Variants in SH3PXD2A observed in about 807,000 individuals in gnomAD.
The protein encoded by SH3PXD2A is SH3 and PX domains 2A.
Under a neutral mutation model 115.2 loss-of-function variants are expected in SH3PXD2A, and 32 were observed. That is an observed-to-expected ratio of 0.28 (90% confidence interval 0.21 to 0.37). The LOEUF is 0.37. Among genes scored for constraint, SH3PXD2A ranks in the 10% least tolerant of loss-of-function variants. The pLI, the probability that SH3PXD2A is intolerant of heterozygous loss-of-function variation, is 1.00. For synonymous variants in SH3PXD2A, 610 were observed against 629.1 expected (o/e 0.97, Z 0.45); for missense variants, 1,328 against 1,498.7 (o/e 0.89, Z 1.88).
intron 3 of SH3PXD2A, among the ~76,000 whole-genome samples, chr10:103,764,392 G>A (rs2038732444): frequency 6.6e-6 from 1 of 152,106 alleles, no homozygotes; most frequent in South Asian, 2.1e-4. Context: ...CTGAAGAGGA[G>A]TCTAAGAGGG....
intron 5 of SH3PXD2A, among the ~76,000 whole-genome samples, chr10:103,720,901 C>CGGGG (rs1316100484): frequency 6.6e-6 from 1 of 152,190 alleles, no homozygotes; most frequent in Non-Finnish European, 1.5e-5. Flanking sequence ...GGGCCGGGCC[C>CGGGG]GGGGAGGGGG....
chr10:103,705,319 G>C (rs1262287822), intron 5 of SH3PXD2A, among the ~76,000 whole-genome samples: 2 of 152,366 alleles, frequency 1.3e-5, no homozygotes, highest in East Asian at 3.9e-4. Flanking sequence ...GCCAGGCCTT[G>C]GTGGGAGTCA....
chr10:103,668,527 C>T, intron 7 of SH3PXD2A, 81 bp downstream of exon 7: 1 of 1,225,890 alleles, frequency 8.2e-7, no homozygotes, highest in Non-Finnish European at 1.2e-6. Context: ...GAAGCATGCG[C>T]AGGGCCTGCA....
At chr10:103,653,281 C>T (rs976121513) in intron 8 of SH3PXD2A, among the ~76,000 whole-genome samples, 3 of 152,334 alleles carry the variant, frequency 2.0e-5, no homozygotes, top group Non-Finnish European at 4.4e-5. Flanking sequence ...ATCGGAAGAC[C>T]AGCTTCACAG....
chr10:103,606,647 G>A (rs1460693988), intron 13 of SH3PXD2A, among the ~76,000 whole-genome samples: 4 of 152,034 alleles, frequency 2.6e-5, no homozygotes, highest in South Asian at 2.1e-4. Flanking sequence ...GGCGCGCGCC[G>A]CCATGCCTGA....
Position 103,612,894 on chromosome 10 carries a change from G to C in SH3PXD2A, c.1217C>G (p.Ser406Cys). ...DRTVSRLAQG[S>C]PAVARIAPQR... is the part of the protein sequence containing the mutation. ...AGGGGCAATCCTGGCCACAGCTGGA[G>C]AGCCCTGGGCCAGCCTGGAGACAGT... Residue 406 changes from serine (S) to cysteine (C), a missense_variant, in exon 12 of 15, where the codon TCT becomes TGT. By Grantham distance (112) the Ser-to-Cys change is moderately radical (BLOSUM62 -1). Coordinates refer to ENST00000369774, the MANE Select transcript of SH3PXD2A (RefSeq NM_001394015.1). 1 of 1,597,668 alleles carries C rather than the reference G, an allele frequency of 6.3e-7. No individual in the cohort carries two copies. The highest frequency in any genetic ancestry group is 8.5e-7 in the Non-Finnish European group (1 of 1,172,940).
At chr10:103,799,142 C>CA (rs1376354306) in intron 2 of SH3PXD2A, among the ~76,000 whole-genome samples, 11 of 152,214 alleles carry the variant, frequency 7.2e-5, no homozygotes, top group African/African-American at 1.9e-4. Context: ...AATGTGCCCC[C>CA]AGTGCCTAAA....
At chr10:103,696,773 A>C (rs2037830014) in intron 5 of SH3PXD2A, among the ~76,000 whole-genome samples, 3 of 152,090 alleles carry the variant, frequency 2.0e-5, no homozygotes. Flanking sequence ...CTCCCATCAG[A>C]CCACTCAGCC....
chr10:103,603,100 G>GGAGGAA lies in SH3PXD2A; in HGVS notation c.2112_2117dup (p.Ser709_Ser710dup). 1 of 1,613,104 alleles carries GGAGGAA rather than the reference G, an allele frequency of 6.2e-7. No homozygotes were observed. Among genetic ancestry groups the GGAGGAA allele is most frequent in the African/African-American group, 1.3e-5 (1 of 75,068 alleles). On this transcript the variant is annotated inframe_insertion, in exon 15 of 15. Coordinates refer to ENST00000369774, the MANE Select transcript of SH3PXD2A (RefSeq NM_001394015.1). Reference sequence around the variant, plus strand: ...TGGTTTTGGACAAGGAAGAGGAGGAGGAGGAAGAGGAGGAGCAGCAAGTGG... The same window carrying GGAGGAA: ...TGGTTTTGGACAAGGAAGAGGAGGAGGAGGAAGAGGAAGAGGAGGAGCAGCAAGTGG...
intron 2 of SH3PXD2A, 87 bp downstream of exon 2, chr10:103,801,194 CT>C: frequency 1.3e-6 from 1 of 797,128 alleles, no homozygotes; most frequent in East Asian, 2.5e-5. Context: ...TGACAGCTCT[CT>C]TGGGGGCTCC....
chr10:103,594,174 G>A lies in SH3PXD2A; in HGVS notation c.*7642C>T, dbSNP rs1319146136. 1.3e-5 allele frequency: 2 copies of A among 152,626 alleles called. No individual in the cohort carries two copies. The highest frequency in any genetic ancestry group is 2.9e-5 in the Non-Finnish European group (2 of 68,058). 9.5% of individuals were successfully genotyped at this position (152,626 alleles called of 1,614,324 possible). A position where few individuals can be genotyped will look rare whatever the true frequency, so the allele number is the denominator to read the frequency against. The stretch of plus-strand genomic sequence containing the variant: ...CTGCAGACCAAAGAGTCCCGTCAAA[G>A]TGATAAAGGACACCTGGAAAGTGGC... On this transcript the variant is annotated 3_prime_UTR_variant, in exon 15 of 15. Coordinates refer to ENST00000369774, the MANE Select transcript of SH3PXD2A (RefSeq NM_001394015.1).
intron 1 of SH3PXD2A, among the ~76,000 whole-genome samples, chr10:103,846,010 G>C (rs897325775): frequency 6.6e-6 from 1 of 152,222 alleles, no homozygotes; most frequent in African/African-American, 2.4e-5. Flanking sequence ...AGGTAAGAGT[G>C]ATCAGTTTCC....
At chr10:103,848,163 T>G (rs1290134051) in intron 1 of SH3PXD2A, among the ~76,000 whole-genome samples, 1 of 151,702 alleles carries the variant, frequency 6.6e-6, no homozygotes, top group Non-Finnish European at 1.5e-5. Context: ...CCTCCCAAGC[T>G]AGTTAAGACC....
chr10:103,603,032 C>T lies in SH3PXD2A; in HGVS notation c.2186G>A (p.Arg729His), dbSNP rs756197834. ...KPRSASDAGIRGTPKVRAKKD... is the reference protein window; with the variant it reads ...KPRSASDAGIHGTPKVRAKKD... ...CTTTGCCCTGACCTTGGGAGTGCCG[C>T]GGATGCCTGCGTCCGAAGCAGAGCG... The change falls in exon 15 of 15, where the codon CGC becomes CAC. Residue 729 changes from arginine to histidine, a missense_variant. Arg to His is a conservative substitution (Grantham distance 29). Coordinates refer to ENST00000369774, the MANE Select transcript of SH3PXD2A (RefSeq NM_001394015.1). 2.5e-5 allele frequency: 40 copies of T among 1,613,924 alleles called. No individual in the cohort carries two copies. Among genetic ancestry groups the T allele is most frequent in the Admixed American group, 2.3e-4 (14 of 60,002 alleles).
intron 1 of SH3PXD2A, among the ~76,000 whole-genome samples, chr10:103,839,177 C>T (rs2039573628): frequency 6.6e-6 from 1 of 152,154 alleles, no homozygotes; most frequent in Non-Finnish European, 1.5e-5. Flanking sequence ...GAAATCCCAA[C>T]TCTCTTTTTT....
intron 8 of SH3PXD2A, among the ~76,000 whole-genome samples, chr10:103,652,381 C>G (rs567510697): frequency 2.5e-4 from 38 of 152,288 alleles, no homozygotes; most frequent in Non-Finnish European, 5.1e-4. Context: ...ACAGCTACAC[C>G]CCCACAATGA....
intron 8 of SH3PXD2A, among the ~76,000 whole-genome samples, chr10:103,636,311 A>G (rs888224194): frequency 1.3e-5 from 2 of 151,672 alleles, no homozygotes; most frequent in Non-Finnish European, 1.5e-5. Flanking sequence ...CAGGAGGCTG[A>G]GGCAGGAGAA....
chr10:103,602,424 G>A lies in SH3PXD2A; in HGVS notation c.2794C>T (p.Arg932Cys), dbSNP rs866797689. The A allele has an allele frequency of 8.1e-6, 13 of 1,614,134 alleles. No individual in the cohort carries two copies. Among genetic ancestry groups the A allele is most frequent in the African/African-American group, 1.3e-5 (1 of 75,050 alleles). ...TTGACGGTGTTCAGTGCTTGGACGC[G>A]CCTCTCGATCTTCTCCAGGCTGTCT... is the stretch of plus-strand genomic sequence containing the variant. Reference protein sequence around the residue: ...KSDSLEKIERRVQALNTVNQS... With the variant: ...KSDSLEKIERCVQALNTVNQS... The change falls in exon 15 of 15, where the codon CGC (arginine) becomes TGC (cysteine). Residue 932 changes from arginine (R) to cysteine (C), a missense_variant. This residue lies in a region of SH3PXD2A where 574 missense variants were observed against 565.7 expected (regional missense o/e 1.01). Transcript: ENST00000369774.
At chr10:103,654,699 A>T (rs1288361882) in intron 8 of SH3PXD2A, among the ~76,000 whole-genome samples, 1 of 152,164 alleles carries the variant, frequency 6.6e-6, no homozygotes, top group East Asian at 1.9e-4. Flanking sequence ...TTACAGGCAT[A>T]AGCCACCATT....
Sources: gnomAD v4.1 joint callset for allele counts (sites outside exome capture counted in the v4.1 genomes callset) on GRCh38, gnomAD v4.1.1 for gene constraint, gnomAD v4.1.1 regional missense constraint, MANE v1.5 for transcripts, NCBI Gene and HGNC (gene_info 2026-07-23, HGNC 2026-07-21) for gene names.